The following KIR3DL1 variants were observed in gnomAD, a reference collection of about 807,000 sequenced individuals.
KIR3DL1 encodes killer cell immunoglobulin like receptor, three Ig domains and long cytoplasmic tail 1.
In KIR3DL1, 50 loss-of-function variants were observed where a neutral mutation model predicts 40.3. That is an observed-to-expected ratio of 1.24 (90% CI 0.99 to 1.57). KIR3DL1 has a LOEUF of 1.57. Ranked by LOEUF, KIR3DL1 falls within the 40% of genes most tolerant of loss-of-function variation. The pLI, the probability that KIR3DL1 is intolerant of heterozygous loss-of-function variation, is 0.00. For missense variants in KIR3DL1, 661 were observed against 559.9 expected (o/e 1.18, Z -1.82); for synonymous variants, 257 against 207.2 (o/e 1.24, Z -2.07).
rs562508149 is a variant in KIR3DL1, at chr19:54,828,445, A to G, written c.1001-916A>G. On this transcript the variant is annotated intron_variant, in intron 6 of 8. Transcript: ENST00000391728. The stretch of plus-strand genomic sequence containing the variant: ...AGAACACACAGAGAATACGTTACAT[A>G]GGCAGGTTCATTACTAACAGATAAG... 8.6e-5 allele frequency among the ~76,000 whole-genome samples: 13 copies of G among 151,220 alleles called. No individual in the cohort carries two copies. The East Asian group carries it at 2.5e-3, about 29-fold the overall frequency.
chr19:54,823,553 A>T (rs1160558844), intron 5 of KIR3DL1, among the ~76,000 whole-genome samples: 1 of 151,214 alleles, frequency 6.6e-6, no homozygotes, highest in Non-Finnish European at 1.5e-5. Context: ...GCTGGAGTGC[A>T]AGGGTGTGAT....
At position 54,821,626 on chromosome 19, in the gene KIR3DL1, C is replaced by G. The variant is rs201979988; in HGVS notation, c.717C>G (p.Ser239Arg). 40 of 1,609,058 alleles carry G rather than the reference C, an allele frequency of 2.5e-5. 1 individual carries two copies. The highest frequency in any genetic ancestry group is 3.3e-4 in the Middle Eastern group (2 of 6,016). Reference sequence around the variant, plus strand: ...GCCCCAAGGTTCAGGCAGGAGAGAGCGTGACCTTGTCCTGTAGCTCCCGGA... The same window carrying G: ...GCCCCAAGGTTCAGGCAGGAGAGAGGGTGACCTTGTCCTGTAGCTCCCGGA... Residue 239 changes from serine to arginine, a missense_variant, in exon 5 of 9, where the codon AGC (serine) becomes AGG (arginine). Around this residue, in one of 3 missense-constraint regions of KIR3DL1, gnomAD observed 548 missense variants for 413.3 expected, o/e 1.33. Coordinates refer to ENST00000391728, the Ensembl canonical transcript of KIR3DL1.
intron 5 of KIR3DL1, among the ~76,000 whole-genome samples, chr19:54,824,629 T>C (rs1166965210): frequency 1.3e-5 from 2 of 151,116 alleles, no homozygotes; most frequent in Admixed American, 1.3e-4. Flanking sequence ...TGAGCTGAGA[T>C]TGCACCTCTG....
Position 54,821,712 on chromosome 19 carries a change from CA to C in KIR3DL1, c.804del (p.Val269CysfsTer74). On this transcript the variant is annotated frameshift_variant, in exon 5 of 9. Transcript: ENST00000391728. LOFTEE classifies it high-confidence loss of function. Reference sequence around the variant, plus strand: ...GGAGCCCATGAACGTAGGCTCCCTGCAGTGCGCAAGGTCAACAGAACATTCC... The same window carrying C: ...GGAGCCCATGAACGTAGGCTCCCTGCGTGCGCAAGGTCAACAGAACATTCC... The C allele has an allele frequency of 6.2e-7, 1 of 1,609,024 alleles. No individual in the cohort carries two copies. The highest frequency in any genetic ancestry group is 8.5e-7 in the Non-Finnish European group (1 of 1,177,472).
At chr19:54,821,714 G>A in exon 5 of KIR3DL1, 2 of 1,609,082 alleles carry the variant, frequency 1.2e-6, no homozygotes, top group Non-Finnish European at 1.7e-6. Context: ...GCTCCCTGCA[G>A]TGCGCAAGGT....
At chr19:54,821,775 G>A (rs747896598) in exon 5 of KIR3DL1, 21 of 1,607,402 alleles carry the variant, frequency 1.3e-5, no homozygotes, top group Non-Finnish European at 1.8e-5. Flanking sequence ...ACCCACGGAG[G>A]GACCTACAGA....
At chr19:54,825,821 G>C (rs1390733921) in intron 6 of KIR3DL1, among the ~76,000 whole-genome samples, 1 of 150,206 alleles carries the variant, frequency 6.7e-6, no homozygotes, top group African/African-American at 2.5e-5. Context: ...CAGTTCCTTG[G>C]CTCCTGGTCC....
intron 6 of KIR3DL1, among the ~76,000 whole-genome samples, chr19:54,828,838 T>C (rs1472744736): frequency 7.0e-6 from 1 of 142,470 alleles, no homozygotes; most frequent in Non-Finnish European, 1.6e-5. Flanking sequence ...GGCACCAGCA[T>C]CTATTTCTTA....
rs1260263070 is a variant in KIR3DL1, at chr19:54,825,032, C to T, written c.954C>T (p.Asn318=). The T allele has an allele frequency of 1.4e-5, 21 of 1,508,126 alleles. 1 individual carries two copies. Among genetic ancestry groups the T allele is most frequent in the Non-Finnish European group, 1.8e-5 (20 of 1,088,092 alleles). The allele number at this position is 1,508,126 out of a possible 1,614,324, so 93.4% of individuals were successfully genotyped here. A position where few individuals can be genotyped will look rare whatever the true frequency, so the allele number is the denominator to read the frequency against. Residue 318 remains asparagine (N), a synonymous_variant, in exon 6 of 9, where the codon AAC becomes AAT. Transcript: ENST00000391728. ...CTCTCCTGTCCCATGTTCTAGGAAA[C>T]CCTTCAAGTAGTTGGCCTTCACCCA...
At chr19:54,820,499 A>G (rs2061580127) in intron 4 of KIR3DL1, among the ~76,000 whole-genome samples, 2 of 151,462 alleles carry the variant, frequency 1.3e-5, no homozygotes, top group South Asian at 2.1e-4. Context: ...GAGAGTAATC[A>G]TCCCAGGATA....
intron 6 of KIR3DL1, among the ~76,000 whole-genome samples, chr19:54,827,777 C>T (rs2061981119): frequency 6.6e-6 from 1 of 150,668 alleles, no homozygotes; most frequent in East Asian, 1.9e-4. Context: ...ATTTGGCTTT[C>T]TGTGAGCATG....
Position 54,818,943 on chromosome 19 carries a change from A to T in KIR3DL1, c.355+344A>T, listed in dbSNP as rs113957972. The stretch of plus-strand genomic sequence containing the variant: ...AAGGGTCCACATGAGAGGTGGAGGA[A>T]GAGGGGAGTGGGGATTAGAGCAGTG... On this transcript the variant is annotated intron_variant, in intron 3 of 8. Coordinates refer to ENST00000391728, the Ensembl canonical transcript of KIR3DL1. Among the ~76,000 whole-genome samples, 402 of 150,534 alleles carry T rather than the reference A, an allele frequency of 2.7e-3. 17 individuals are homozygous for T. The highest frequency in any genetic ancestry group is 9.1e-3 in the African/African-American group (372 of 40,710).
rs895889757 is a variant in KIR3DL1, at chr19:54,829,945, C to T, written c.1123C>T (p.Gln375Ter). The stretch of plus-strand genomic sequence containing the variant: ...TCCTACAGATGCTGCTGTAATGGAC[C>T]AAGAGCCTGCAGGGAACAGAACAGC... The change falls in exon 8 of 9, where the codon CAA (glutamine) becomes TAA (stop). Residue 375 changes from glutamine to a stop codon, truncating the protein, a stop_gained. Coordinates refer to ENST00000391728, the Ensembl canonical transcript of KIR3DL1. LOFTEE classifies it low-confidence loss of function (END_TRUNC). 1 of 1,527,550 alleles carries T rather than the reference C, an allele frequency of 6.5e-7. No individual in the cohort carries two copies. The highest frequency in any genetic ancestry group is 1.4e-5 in the African/African-American group (1 of 72,542). 94.6% of individuals were successfully genotyped at this position (1,527,550 alleles called of 1,614,324 possible).
Position 54,827,160 on chromosome 19 carries a change from G to A in KIR3DL1, c.1000+2082G>A, listed in dbSNP as rs1340710808. Among the ~76,000 whole-genome samples the A allele has an allele frequency of 5.3e-5, 8 of 151,298 alleles. 1 individual carries two copies. The highest frequency in any genetic ancestry group is 1.5e-4 in the African/African-American group (6 of 40,764). ...GAATCATTTGCAGGGAGGGCTTGCTGGGTTTGAGTTTCCTAGTTGTTTAAT... is the reference window on the plus strand; with the variant it reads ...GAATCATTTGCAGGGAGGGCTTGCTAGGTTTGAGTTTCCTAGTTGTTTAAT... On this transcript the variant is annotated intron_variant, in intron 6 of 8. Transcript: ENST00000391728.
chr19:54,818,360 T>A (rs2061456624), exon 3 of KIR3DL1: 1 of 1,605,322 alleles, frequency 6.2e-7, no homozygotes, highest in South Asian at 1.1e-5. Context: ...AGCGCTGTGG[T>A]GCCTCGAGGA....
chr19:54,816,568 C>A lies in KIR3DL1; in HGVS notation c.34+34C>A, dbSNP rs12975219. ...TGGAAGGGAATCGAGGGAGGGAGTG[C>A]GGGGATGGAGATCTGGACCTGGAGG... On this transcript the variant is annotated intron_variant, in intron 1 of 8. Coordinates refer to ENST00000391728, the Ensembl canonical transcript of KIR3DL1. 223,550 of 1,603,830 alleles carry A rather than the reference C, an allele frequency of 0.14. 16,450 individuals carry two copies. Among genetic ancestry groups the A allele is most frequent in the Non-Finnish European group, 0.15 (178,529 of 1,177,412 alleles).
chr19:54,819,907 C>T (rs652741), exon 4 of KIR3DL1: 354,475 of 1,610,288 alleles, frequency 0.22, 41,837 homozygotes, highest in South Asian at 0.32. Context: ...CTCCATCGGT[C>T]CCATGATGCT....
In KIR3DL1 at chr19:54,817,581, C is replaced by A. The variant is rs375791475; in HGVS notation, c.70+12C>A. ...CGGTCCACACATGGGTGAGTCCTTC[C>A]CCAAACCTTAGGGTGTCATCTCCCC... is the stretch of plus-strand genomic sequence containing the variant. On this transcript the variant is annotated intron_variant, in intron 2 of 8. Transcript: ENST00000391728. 1.3e-6 allele frequency: 2 copies of A among 1,506,450 alleles called. No individual in the cohort carries two copies. Among genetic ancestry groups the A allele is most frequent in the African/African-American group, 1.6e-5 (1 of 61,808 alleles). 93.3% of individuals were successfully genotyped at this position (1,506,450 alleles called of 1,614,324 possible).
At chr19:54,825,152 T>TG in intron 6 of KIR3DL1, 74 bp downstream of exon 6, 2 of 959,586 alleles carry the variant, frequency 2.1e-6, no homozygotes, top group South Asian at 2.6e-5. Context: ...AAGTGTTGGC[T>TG]CAAACCTCCC....
Sources: gnomAD v4.1 joint callset for allele counts (sites outside exome capture counted in the v4.1 genomes callset) on GRCh38, gnomAD v4.1.1 for gene constraint, gnomAD v4.1.1 regional missense constraint, MANE v1.5 for transcripts, NCBI Gene and HGNC (gene_info 2026-07-23, HGNC 2026-07-21) for gene names.